Variants in WWP2 observed in about 807,000 individuals in gnomAD.
The protein encoded by WWP2 is NEDD4-like E3 ubiquitin-protein ligase WWP2.
In WWP2, 57 loss-of-function variants were observed where a neutral mutation model predicts 121.0. The observed-to-expected ratio is 0.47, with a 90% CI of 0.38 to 0.59. The LOEUF (loss-of-function observed/expected upper bound fraction) is 0.59, where lower values mean the gene tolerates loss of function less well. WWP2 is among the 20% of genes least tolerant of loss of function. The pLI, the probability that WWP2 is intolerant of heterozygous loss-of-function variation, is 0.00. For missense variants in WWP2, 962 were observed against 1,158.9 expected (o/e 0.83, Z 2.47); for synonymous variants, 449 against 441.3 (o/e 1.02, Z -0.22).
intron 1 of WWP2, among the ~76,000 whole-genome samples, chr16:69,779,371 T>C (rs1026174562): frequency 6.6e-6 from 1 of 152,214 alleles, no homozygotes; most frequent in African/African-American, 2.4e-5. Flanking sequence ...CAAAGCTCTA[T>C]AGAATAACAT....
intron 1 of WWP2, among the ~76,000 whole-genome samples, chr16:69,779,822 AT>A (rs1005467994): frequency 3.2e-4 from 49 of 152,322 alleles, no homozygotes; most frequent in African/African-American, 1.1e-3. Flanking sequence ...CCAAGGCTCA[AT>A]TTATAATTAT....
intron 10 of WWP2, 67 bp downstream of exon 10, chr16:69,917,950 G>A (rs1597158269): frequency 1.3e-6 from 2 of 1,555,120 alleles, no homozygotes; most frequent in African/African-American, 1.4e-5. Flanking sequence ...GCAGCCACGT[G>A]TTCTCTGTTG....
chr16:69,785,447 A>G (rs1027414191), intron 1 of WWP2, among the ~76,000 whole-genome samples: 16 of 152,192 alleles, frequency 1.1e-4, no homozygotes, highest in Non-Finnish European at 1.5e-5. Flanking sequence ...GATATTGCAT[A>G]ATGAAATGTG....
chr16:69,909,101 G>A (rs992085381), intron 9 of WWP2: 31 of 1,219,060 alleles, frequency 2.5e-5, no homozygotes, highest in Admixed American at 3.9e-5. Context: ...GATGCATTCC[G>A]CCGTACCCTA....
intron 4 of WWP2, among the ~76,000 whole-genome samples, chr16:69,839,280 A>T (rs2056932182): frequency 6.6e-6 from 1 of 152,234 alleles, no homozygotes; most frequent in Non-Finnish European, 1.5e-5. Context: ...CCTGAACTGA[A>T]GGCCATAGCT....
chr16:69,834,271 A>G (rs1416511159), intron 4 of WWP2, among the ~76,000 whole-genome samples: 1 of 151,964 alleles, frequency 6.6e-6, no homozygotes, highest in Admixed American at 6.6e-5. Context: ...CATTCCCCAG[A>G]CATGCTAGGC....
At chr16:69,891,599 T>G (rs2058028845) in intron 8 of WWP2, among the ~76,000 whole-genome samples, 1 of 152,134 alleles carries the variant, frequency 6.6e-6, no homozygotes, top group Admixed American at 6.5e-5. Context: ...AAACAAGAAA[T>G]GGTTCTTGCT....
chr16:69,774,306 A>G (rs2055478408), intron 1 of WWP2, among the ~76,000 whole-genome samples: 1 of 151,874 alleles, frequency 6.6e-6, no homozygotes. Context: ...ACCTAGCTGG[A>G]GTGCAGTGGC....
intron 8 of WWP2, among the ~76,000 whole-genome samples, chr16:69,899,909 T>C (rs911846814): frequency 1.3e-5 from 2 of 152,166 alleles, no homozygotes; most frequent in Admixed American, 6.5e-5. Context: ...TTAGTCATAT[T>C]ACTTTAAACT....
At chr16:69,838,738 T>C in intron 4 of WWP2, 2 of 985,454 alleles carry the variant, frequency 2.0e-6, no homozygotes, top group Non-Finnish European at 2.4e-6. Context: ...ACAAGTGTTA[T>C]TTTATAGAAA....
At chr16:69,939,165 G>A (rs764433497) in intron 22 of WWP2, 42 bp downstream of exon 22, 7 of 1,572,422 alleles carry the variant, frequency 4.5e-6, no homozygotes, top group Admixed American at 3.7e-5. Flanking sequence ...CTGGCAGTGC[G>A]GACAGCTCAG....
intron 1 of WWP2, among the ~76,000 whole-genome samples, chr16:69,779,994 A>C (rs1179938108): frequency 6.6e-6 from 1 of 152,154 alleles, no homozygotes; most frequent in Non-Finnish European, 1.5e-5. Flanking sequence ...ACATTTTGCC[A>C]TATTTGCCCC....
intron 8 of WWP2, among the ~76,000 whole-genome samples, chr16:69,893,746 G>A (rs1250835236): frequency 6.6e-6 from 1 of 152,154 alleles, no homozygotes; most frequent in Non-Finnish European, 1.5e-5. Flanking sequence ...GTTTCACCAT[G>A]TTGGCCAGGC....
intron 8 of WWP2, among the ~76,000 whole-genome samples, chr16:69,899,372 A>G (rs187285963): frequency 2.0e-5 from 3 of 152,256 alleles, no homozygotes; most frequent in Non-Finnish European, 2.9e-5. Flanking sequence ...CACAAATTTT[A>G]TACACATTCC....
intron 6 of WWP2, among the ~76,000 whole-genome samples, chr16:69,868,534 C>T (rs2057569962): frequency 6.6e-6 from 1 of 152,128 alleles, no homozygotes; most frequent in African/African-American, 2.4e-5. Flanking sequence ...GTCCAGCTTG[C>T]TCCTGGGGGC....
At chr16:69,879,112 T>C (rs749580186) in intron 7 of WWP2, among the ~76,000 whole-genome samples, 5 of 152,216 alleles carry the variant, frequency 3.3e-5, no homozygotes, top group Non-Finnish European at 7.3e-5. Flanking sequence ...TCTCTTTTCA[T>C]AGTATTTGAT....
At chr16:69,883,383 A>T (rs190714944) in intron 7 of WWP2, among the ~76,000 whole-genome samples, 14 of 142,128 alleles carry the variant, frequency 9.9e-5, no homozygotes, top group Admixed American at 8.7e-4. Context: ...TCAAGCTTTC[A>T]TGTTCTAAGA....
In WWP2 at chr16:69,935,388, C is replaced by T. The variant is rs1431323443; in HGVS notation, c.1843-465C>T. ...CAGGACAGACCGGTAAAACCCTAGA[C>T]TATTACTCACCATTGGCCGCCAGCT... On this transcript the variant is annotated intron_variant, in intron 17 of 23. Transcript: ENST00000359154. The surrounding 1 kb of genome is among the most constrained non-coding windows in gnomAD (Gnocchi z 5.2). Among the ~76,000 whole-genome samples the T allele has an allele frequency of 2.0e-5, 3 of 152,242 alleles. No homozygotes were observed. The East Asian group carries it at 5.8e-4, about 29-fold the overall frequency.
chr16:69,764,452 C>G (rs1360721570), intron 1 of WWP2, among the ~76,000 whole-genome samples: 1 of 152,186 alleles, frequency 6.6e-6, no homozygotes, highest in Non-Finnish European at 1.5e-5. Context: ...CTCGGCCTCT[C>G]AAAGTGTTGC....
Sources: allele counts gnomAD v4.1 joint callset (sites outside exome capture counted in the v4.1 genomes callset), GRCh38; gene constraint gnomAD v4.1.1; non-coding constraint Gnocchi (gnomAD v3.1); transcripts MANE v1.5; gene names NCBI Gene and HGNC (gene_info 2026-07-23, HGNC 2026-07-21).